OSBPL1A: variants seen among roughly 807,000 people sequenced by gnomAD.
OSBPL1A encodes the protein oxysterol binding protein like 1A, also known as oxysterol-binding protein-related protein 1.
In OSBPL1A, 80 loss-of-function variants were observed where a neutral mutation model predicts 137.1. The observed-to-expected ratio is 0.58, with a 90% CI of 0.49 to 0.70. The LOEUF (loss-of-function observed/expected upper bound fraction) is 0.70. OSBPL1A is among the 30% of genes least tolerant of loss of function. OSBPL1A has a pLI of 0.00. For synonymous variants in OSBPL1A, 365 were observed against 389.7 expected (o/e 0.94, Z 0.75); for missense variants, 970 against 1,129.4 (o/e 0.86, Z 2.02).
chr18:24,286,344 A>G (rs989869229), intron 14 of OSBPL1A, among the ~76,000 whole-genome samples: 3 of 152,238 alleles, frequency 2.0e-5, no homozygotes, highest in African/African-American at 7.2e-5. Context: ...TGAAAGACAT[A>G]AAAATAGAAA....
intron 17 of OSBPL1A, among the ~76,000 whole-genome samples, chr18:24,213,428 G>A (rs2145971073): frequency 6.6e-6 from 1 of 152,206 alleles, no homozygotes; most frequent in East Asian, 1.9e-4. Flanking sequence ...AATTAGCCAG[G>A]TGTGGTGGCG....
At chr18:24,266,521 T>C (rs1205009833) in intron 15 of OSBPL1A, among the ~76,000 whole-genome samples, 1 of 151,578 alleles carries the variant, frequency 6.6e-6, no homozygotes, top group Non-Finnish European at 1.5e-5. Flanking sequence ...CACTCAAGAA[T>C]AGAAAAGAAA....
At chr18:24,236,280 G>A (rs932122178) in intron 16 of OSBPL1A, among the ~76,000 whole-genome samples, 3 of 152,124 alleles carry the variant, frequency 2.0e-5, no homozygotes, top group Non-Finnish European at 4.4e-5. Flanking sequence ...AAGTCTCCTT[G>A]AGAAGTCACA....
At position 24,271,756 on chromosome 18, in the gene OSBPL1A, C is replaced by A. The variant is rs964924810; in HGVS notation, c.1281+9086G>T. The A allele has an allele frequency of 5.1e-6, 5 of 985,454 alleles. No individual in the cohort carries two copies. Among genetic ancestry groups the A allele is most frequent in the Middle Eastern group, 5.1e-4 (1 of 1,942 alleles). The allele number at this position is 985,454 out of a possible 1,614,324, so 61.0% of individuals were successfully genotyped here. A position where few individuals can be genotyped will look rare whatever the true frequency, so the allele number is the denominator to read the frequency against. ...GGCGAGCCGATCCGGGAGGCGCGAC[C>A]CAGGGCGGCCCGCAAGGTCTCCCTA... On this transcript the variant is annotated intron_variant, in intron 15 of 27. Transcript: ENST00000319481. This position sits in a 1 kb window ranked among gnomAD's most constrained non-coding sequence, Gnocchi z 4.0.
chr18:24,286,808 T>C (rs953637467), intron 14 of OSBPL1A, among the ~76,000 whole-genome samples: 4 of 152,176 alleles, frequency 2.6e-5, no homozygotes, highest in African/African-American at 7.2e-5. Context: ...GAGGTTTTCA[T>C]CTGCCAGTTA....
intron 15 of OSBPL1A, among the ~76,000 whole-genome samples, chr18:24,247,477 T>C (rs1481408009): frequency 6.6e-6 from 1 of 152,102 alleles, no homozygotes; most frequent in South Asian, 2.1e-4. Context: ...GAGGTGTTTG[T>C]TTGTTTGAGA....
At chr18:24,349,856 G>A (rs1373093508) in intron 4 of OSBPL1A, among the ~76,000 whole-genome samples, 1 of 152,170 alleles carries the variant, frequency 6.6e-6, no homozygotes, top group Non-Finnish European at 1.5e-5. Context: ...TCCCTGAGCA[G>A]AGAATTCAGC....
At chr18:24,368,453 A>T in intron 2 of OSBPL1A, 81 bp from the exon 3 acceptor site, 2 of 1,024,384 alleles carry the variant, frequency 2.0e-6, no homozygotes, top group African/African-American at 1.6e-5. Context: ...ATAACAAGCT[A>T]CCTCAATAAT....
At position 24,180,481 on chromosome 18, in the gene OSBPL1A, G is replaced by GTGTGTGTGTGTA. The variant is rs67402123; in HGVS notation, c.1813-647_1813-646insTACACACACACA. On this transcript the variant is annotated intron_variant, in intron 19 of 27. Transcript: ENST00000319481. ...CTATTTTGTGTGTGTGTGTGTGTGT[G>GTGTGTGTGTGTA]TGTATGTGTTAACTTCTTCTTGGAA... 7.3e-3 allele frequency among the ~76,000 whole-genome samples: 1,094 copies of GTGTGTGTGTGTA among 150,104 alleles called. 3 individuals carry two copies. Among genetic ancestry groups the GTGTGTGTGTGTA allele is most frequent in the Non-Finnish European group, 0.012 (810 of 67,356 alleles).
At chr18:24,253,806 T>G (rs2089186732) in intron 15 of OSBPL1A, among the ~76,000 whole-genome samples, 2 of 152,150 alleles carry the variant, frequency 1.3e-5, no homozygotes, top group African/African-American at 4.8e-5. Context: ...AGCACTGACC[T>G]TAGGTTTTAC....
At chr18:24,270,813 A>G (rs1445179813) in intron 15 of OSBPL1A, among the ~76,000 whole-genome samples, 1 of 152,124 alleles carries the variant, frequency 6.6e-6, no homozygotes, top group Non-Finnish European at 1.5e-5. Context: ...CTCTCGAAAA[A>G]GATTCCTGCT....
intron 7 of OSBPL1A, among the ~76,000 whole-genome samples, chr18:24,329,814 T>C (rs987490703): frequency 3.9e-5 from 6 of 152,174 alleles, no homozygotes; most frequent in African/African-American, 1.4e-4. Context: ...AAAACTCAAA[T>C]TCACCAAGGA....
At chr18:24,307,361 C>T (rs761566537) in intron 13 of OSBPL1A, among the ~76,000 whole-genome samples, 1 of 152,136 alleles carries the variant, frequency 6.6e-6, no homozygotes, top group Admixed American at 6.5e-5. Context: ...TGACATCTGG[C>T]GATTATTATG....
chr18:24,349,350 C>A (rs1372536968), intron 4 of OSBPL1A, among the ~76,000 whole-genome samples: 1 of 151,944 alleles, frequency 6.6e-6, no homozygotes, highest in Admixed American at 6.6e-5. Context: ...GGAAGAAAAC[C>A]TTTAAAAGAA....
chr18:24,373,636 C>T (rs988628657), intron 2 of OSBPL1A, among the ~76,000 whole-genome samples: 40 of 152,184 alleles, frequency 2.6e-4, no homozygotes, highest in African/African-American at 8.9e-4. Context: ...GAATTCCTTC[C>T]AAACAGTAAC....
At chr18:24,201,200 T>C (rs554012958) in intron 17 of OSBPL1A, among the ~76,000 whole-genome samples, 16 of 152,276 alleles carry the variant, frequency 1.1e-4, no homozygotes, top group South Asian at 4.1e-4. Flanking sequence ...ACAGATGACA[T>C]TACGACTATC....
chr18:24,197,786 C>CTT (rs1043369707), intron 17 of OSBPL1A, among the ~76,000 whole-genome samples: 18 of 122,782 alleles, frequency 1.5e-4, no homozygotes, highest in South Asian at 2.6e-4. Flanking sequence ...CTTTTCTTTT[C>CTT]TTTTTTTTTT....
chr18:24,177,964 T>C (rs747827117), intron 21 of OSBPL1A, 49 bp downstream of exon 21: 4 of 1,541,644 alleles, frequency 2.6e-6, no homozygotes, highest in Non-Finnish European at 3.6e-6. Flanking sequence ...TGTCTACACT[T>C]ACAGGCAGGT....
chr18:24,304,845 T>C (rs937850983), intron 13 of OSBPL1A, among the ~76,000 whole-genome samples: 1 of 152,230 alleles, frequency 6.6e-6, no homozygotes, highest in Non-Finnish European at 1.5e-5. Context: ...TCAAAATTTG[T>C]ATTACTCTCC....
Sources: gnomAD v4.1 joint callset for allele counts (sites outside exome capture counted in the v4.1 genomes callset) on GRCh38, gnomAD v4.1.1 for gene constraint, Gnocchi (gnomAD v3.1) non-coding constraint, MANE v1.5 for transcripts, NCBI Gene and HGNC (gene_info 2026-07-23, HGNC 2026-07-21) for gene names.